Variants in ERC2 observed in about 807,000 individuals in gnomAD.
ERC2 encodes ELKS/RAB6-interacting/CAST family member 2.
In ERC2, 42 loss-of-function variants were observed where a neutral mutation model predicts 114.8. The ratio of observed to expected loss-of-function variants is 0.37; its 90% CI spans 0.29 to 0.47. ERC2 has a LOEUF of 0.47. Among genes scored for constraint, ERC2 ranks in the 20% least tolerant of loss-of-function variants. ERC2 has a pLI of 0.99. For missense variants in ERC2, 939 were observed against 1,150.7 expected, an observed-to-expected ratio of 0.82 and a Z score of 2.66; for synonymous variants, 454 against 425.5, an observed-to-expected ratio of 1.07 and a Z score of -0.82.
intron 6 of ERC2, among the ~76,000 whole-genome samples, chr3:56,109,058 T>G (rs9815611): frequency 0.17 from 26,115 of 152,096 alleles, 2,450 homozygotes; most frequent in African/African-American, 0.23. Flanking sequence ...CATGTGCAGG[T>G]TTGTTATATA....
intron 3 of ERC2, among the ~76,000 whole-genome samples, chr3:56,268,267 T>G (rs989670083): frequency 6.6e-6 from 1 of 152,216 alleles, no homozygotes; most frequent in South Asian, 2.1e-4. Context: ...CAATTGGCTA[T>G]ACCATATAGC....
intron 12 of ERC2, among the ~76,000 whole-genome samples, chr3:55,957,897 G>A (rs929232798): frequency 6.6e-6 from 1 of 152,336 alleles, no homozygotes; most frequent in East Asian, 1.9e-4. Context: ...CTGGCTCCGG[G>A]AGACCCTAGG....
chr3:56,145,913 C>G (rs913269027), intron 5 of ERC2, among the ~76,000 whole-genome samples: 1 of 152,112 alleles, frequency 6.6e-6, no homozygotes, highest in African/African-American at 2.4e-5. Context: ...TTCTTTCCCT[C>G]CAATCTACAT....
chr3:56,424,416 G>A (rs2061494680), intron 2 of ERC2, among the ~76,000 whole-genome samples: 1 of 152,142 alleles, frequency 6.6e-6, no homozygotes, highest in South Asian at 2.1e-4. Flanking sequence ...CATTAGCCAA[G>A]TCTTTCAGAA....
intron 6 of ERC2, 116 bp downstream of exon 6, chr3:56,139,393 A>G: frequency 1.0e-6 from 1 of 987,182 alleles, no homozygotes; most frequent in East Asian, 2.6e-5. Flanking sequence ...TGAATTTCAA[A>G]ATACATCTGG....
intron 3 of ERC2, among the ~76,000 whole-genome samples, chr3:56,270,178 A>G (rs1447582252): frequency 6.6e-6 from 1 of 151,762 alleles, no homozygotes; most frequent in Non-Finnish European, 1.5e-5. Flanking sequence ...CTAAAAAAAA[A>G]AAAGAAAGAA....
chr3:55,653,273 A>T (rs1160545256), intron 17 of ERC2, among the ~76,000 whole-genome samples: 3 of 152,098 alleles, frequency 2.0e-5, no homozygotes, highest in Non-Finnish European at 2.9e-5. Context: ...TTTTTTCATG[A>T]ATTTTTCCAT....
At chr3:56,064,114 T>C (rs559528294) in intron 7 of ERC2, among the ~76,000 whole-genome samples, 1 of 152,344 alleles carries the variant, frequency 6.6e-6, no homozygotes, top group East Asian at 1.9e-4. Context: ...AATGAATTCC[T>C]AGGTAAAGAA....
At chr3:55,984,143 T>C (rs971491641) in intron 12 of ERC2, among the ~76,000 whole-genome samples, 1 of 152,158 alleles carries the variant, frequency 6.6e-6, no homozygotes, top group African/African-American at 2.4e-5. Flanking sequence ...GTAACTCCTA[T>C]AGTTCATCCA....
At chr3:55,990,690 A>G (rs1399325330) in intron 11 of ERC2, among the ~76,000 whole-genome samples, 1 of 152,230 alleles carries the variant, frequency 6.6e-6, no homozygotes, top group Admixed American at 6.5e-5. Context: ...TGCTGGGATT[A>G]TAGATACGAG....
At chr3:55,856,639 G>A (rs1409791949) in intron 14 of ERC2, among the ~76,000 whole-genome samples, 1 of 152,018 alleles carries the variant, frequency 6.6e-6, no homozygotes. Context: ...CACACATACG[G>A]TGATGGTAAA....
intron 14 of ERC2, among the ~76,000 whole-genome samples, chr3:55,812,908 G>A (rs1430861469): frequency 1.3e-5 from 2 of 152,246 alleles, no homozygotes; most frequent in African/African-American, 4.8e-5. Context: ...AATGATGACA[G>A]TATGGCATGA....
At chr3:55,689,742 G>A (rs765410864) in intron 16 of ERC2, among the ~76,000 whole-genome samples, 18 of 150,744 alleles carry the variant, frequency 1.2e-4, no homozygotes, top group Admixed American at 2.6e-4. Context: ...GCGGTGAGCC[G>A]AGATCGCGCC....
At chr3:55,566,515 T>A (rs1306113859) in intron 17 of ERC2, among the ~76,000 whole-genome samples, 1 of 152,238 alleles carries the variant, frequency 6.6e-6, no homozygotes, top group East Asian at 1.9e-4. Flanking sequence ...CACTGCTACC[T>A]CCACCTCCTG....
intron 17 of ERC2, among the ~76,000 whole-genome samples, chr3:55,537,136 A>G (rs2054048692): frequency 6.6e-6 from 1 of 152,214 alleles, no homozygotes; most frequent in Admixed American, 6.5e-5. Flanking sequence ...GGGAGGCCGC[A>G]TGGGCTCCAC....
chr3:55,700,346 T>C (rs1045979010), intron 15 of ERC2, among the ~76,000 whole-genome samples: 4 of 152,166 alleles, frequency 2.6e-5, no homozygotes, highest in African/African-American at 9.7e-5. Flanking sequence ...AGTCAGGAAA[T>C]GAGGGTTTGA....
chr3:55,598,843 T>C (rs1264616401), intron 17 of ERC2, among the ~76,000 whole-genome samples: 1 of 152,222 alleles, frequency 6.6e-6, no homozygotes, highest in East Asian at 1.9e-4. Flanking sequence ...CTGGGGAACA[T>C]TCTTCTTTGA....
At chr3:55,621,116 CCT>C (rs1462164214) in intron 17 of ERC2, among the ~76,000 whole-genome samples, 2 of 152,058 alleles carry the variant, frequency 1.3e-5, no homozygotes, top group East Asian at 3.9e-4. Context: ...CATTCTGTCC[CCT>C]TTCTTATCCA....
intron 17 of ERC2, among the ~76,000 whole-genome samples, chr3:55,600,215 A>G (rs1256627629): frequency 6.6e-6 from 1 of 152,226 alleles, no homozygotes; most frequent in African/African-American, 2.4e-5. Flanking sequence ...ATGCTCTAGA[A>G]AAAAAGACCA....
Sources: allele counts gnomAD v4.1 joint callset (sites outside exome capture counted in the v4.1 genomes callset), GRCh38; gene constraint gnomAD v4.1.1; transcripts MANE v1.5; gene names NCBI Gene and HGNC (gene_info 2026-07-23, HGNC 2026-07-21).